The following SLC9B2 variants were observed in gnomAD, a reference collection of about 807,000 sequenced individuals.
SLC9B2 encodes sodium/hydrogen exchanger 9B2.
A neutral mutation model predicts 52.2 loss-of-function variants in SLC9B2; 39 were observed. The observed-to-expected ratio is 0.75, with a 90% CI of 0.58 to 0.98. SLC9B2 has a LOEUF of 0.98. Among genes scored for constraint, SLC9B2 ranks in the 50% least tolerant of loss-of-function variants. SLC9B2 has a pLI of 0.00. For missense variants in SLC9B2, 626 were observed against 637.5 expected, an observed-to-expected ratio of 0.98 and a Z score of 0.19; for synonymous variants, 214 against 227.0, an observed-to-expected ratio of 0.94 and a Z score of 0.51.
chr4:103,055,591 C>A (rs1745060329), intron 4 of SLC9B2, among the ~76,000 whole-genome samples: 1 of 151,326 alleles, frequency 6.6e-6, no homozygotes, highest in Admixed American at 6.6e-5. Context: ...ACCACAAGTT[C>A]AAAAGCAGAT....
chr4:103,070,027 A>G (rs535859692), intron 1 of SLC9B2, among the ~76,000 whole-genome samples: 12 of 152,328 alleles, frequency 7.9e-5, no homozygotes, highest in African/African-American at 2.9e-4. Context: ...CTATTCTCCA[A>G]TACTCTCAAC....
rs901216447 is a variant in SLC9B2, at chr4:103,022,788, T to C, written c.*3582A>G. The stretch of plus-strand genomic sequence containing the variant: ...GCCTTAACTTCCAATGTGATGTATT[T>C]AGATATGAGGATTTGGGAAGGCAAT... On this transcript the variant is annotated 3_prime_UTR_variant, in exon 12 of 12. Transcript: ENST00000394785. 6.6e-6 allele frequency among the ~76,000 whole-genome samples: 1 copy of C among 152,188 alleles called. No homozygotes were observed. The highest frequency in any genetic ancestry group is 1.5e-5 in the Non-Finnish European group (1 of 68,032).
chr4:103,060,247 C>T (rs1745505367), intron 3 of SLC9B2, among the ~76,000 whole-genome samples: 1 of 151,550 alleles, frequency 6.6e-6, no homozygotes, highest in African/African-American at 2.4e-5. Context: ...GTGTGTACTG[C>T]ATTCTAGATA....
rs1048405758 is a variant in SLC9B2 at position 103,022,708 on chromosome 4, T to C, written c.*3662A>G. Among the ~76,000 whole-genome samples the C allele has an allele frequency of 6.6e-6, 1 of 152,222 alleles. No individual in the cohort carries two copies. Among genetic ancestry groups the C allele is most frequent in the African/African-American group, 2.4e-5 (1 of 41,468 alleles). On this transcript the variant is annotated 3_prime_UTR_variant, in exon 12 of 12. Transcript: ENST00000394785. Reference sequence around the variant, plus strand: ...CAGAAATATACTGTCCTTGGAAATATGACACTTCTTTCAGGGACTGAATTA... The same window carrying C: ...CAGAAATATACTGTCCTTGGAAATACGACACTTCTTTCAGGGACTGAATTA...
chr4:103,050,235 C>T lies in SLC9B2; in HGVS notation c.585+5G>A. 1 of 1,563,122 alleles carries T rather than the reference C, an allele frequency of 6.4e-7. No individual in the cohort carries two copies. The highest frequency in any genetic ancestry group is 8.6e-7 in the Non-Finnish European group (1 of 1,160,536). On this transcript the variant is annotated splice_donor_5th_base_variant and intron_variant, in intron 5 of 11. Transcript: ENST00000394785. The stretch of plus-strand genomic sequence containing the variant: ...ATTTAATAATGAGAAATTTACATTT[C>T]ATACCTTTGAATCCAGACCAAGGCC...
Position 103,022,557 on chromosome 4 carries a change from T to C in SLC9B2, c.*3813A>G, listed in dbSNP as rs1192617022. Among the ~76,000 whole-genome samples the C allele has an allele frequency of 1.3e-5, 2 of 152,224 alleles. No individual in the cohort carries two copies. Among genetic ancestry groups the C allele is most frequent in the Non-Finnish European group, 2.9e-5 (2 of 68,034 alleles). ...TAAATTTTTTGCAATGAAAATGTGT[T>C]ACTTTATAATCAGAAAAAAATACTA... On this transcript the variant is annotated 3_prime_UTR_variant, in exon 12 of 12. Coordinates refer to ENST00000394785, the MANE Select transcript of SLC9B2 (RefSeq NM_178833.7).
rs1747132218 is a variant in SLC9B2 at position 103,076,169 on chromosome 4, T to C, written c.-43+15A>G. On this transcript the variant is annotated intron_variant, in intron 1 of 11. Transcript: ENST00000394785. ...TGGGTTTATTTTTACCCTTAGTGTC[T>C]CTGGGGCCTCTCACCTGGCAGTCTC... is the stretch of plus-strand genomic sequence containing the variant. The C allele has an allele frequency of 6.6e-6, 1 of 152,362 alleles. No individual in the cohort carries two copies. The highest frequency in any genetic ancestry group is 6.5e-5 in the Admixed American group (1 of 15,288). 9.4% of individuals were successfully genotyped at this position (152,362 alleles called of 1,614,324 possible).
At chr4:103,071,040 G>A (rs994952839) in intron 1 of SLC9B2, among the ~76,000 whole-genome samples, 24 of 151,934 alleles carry the variant, frequency 1.6e-4, no homozygotes, top group Non-Finnish European at 3.2e-4. Context: ...TTTGATATAT[G>A]TACCTGTTAA....
intron 9 of SLC9B2, among the ~76,000 whole-genome samples, chr4:103,040,610 G>A (rs991463420): frequency 6.6e-6 from 1 of 152,122 alleles, no homozygotes; most frequent in Non-Finnish European, 1.5e-5. Context: ...TGTATTGGGG[G>A]TGTATCTTAC....
intron 10 of SLC9B2, among the ~76,000 whole-genome samples, chr4:103,030,380 G>A (rs1431274180): frequency 1.3e-5 from 2 of 152,096 alleles, no homozygotes; most frequent in Non-Finnish European, 2.9e-5. Flanking sequence ...TAATATAAAG[G>A]AGTGTTAGAG....
At chr4:103,077,131 ACG>A (rs1355009300), upstream of SLC9B2, 1 of 151,994 alleles carries the variant, frequency 6.6e-6, no homozygotes, top group Non-Finnish European at 1.5e-5. Flanking sequence ...GTGTGTTAAG[ACG>A]CGCGCACCCC....
At chr4:103,057,244 G>GTATATA (rs56742547) in intron 4 of SLC9B2, among the ~76,000 whole-genome samples, 3,539 of 137,034 alleles carry the variant, frequency 0.026, 42 homozygotes, top group Middle Eastern at 0.046. Context: ...TTAATTTTAA[G>GTATATA]TATATATATA....
At chr4:103,063,150 T>C (rs1202371072) in intron 3 of SLC9B2, among the ~76,000 whole-genome samples, 2 of 152,376 alleles carry the variant, frequency 1.3e-5, no homozygotes, top group East Asian at 3.9e-4. Context: ...TGTTTCATTG[T>C]AAACGTTTTA....
chr4:103,070,014 T>A (rs963721369), intron 1 of SLC9B2, among the ~76,000 whole-genome samples: 2 of 152,178 alleles, frequency 1.3e-5, no homozygotes, highest in Admixed American at 1.3e-4. Context: ...CCAGAAAAGT[T>A]CCCTATTCTC....
rs769713469 is a variant in SLC9B2, at chr4:103,026,458, A to G, written c.1526T>C (p.Ile509Thr). The stretch of plus-strand genomic sequence containing the variant: ...CAGAAGCCTGGGGCCCAGTAAACCA[A>G]TAAGCAGACTTCCAATTGGGGCTGT... The part of the protein sequence containing the change: ...LITAPIGSLL[I>T]GLLGPRLLQK... The change falls in exon 12 of 12, where the codon ATT becomes ACT. Residue 509 changes from isoleucine (I) to threonine (T), a missense_variant. By Grantham distance (89) the Ile-to-Thr change is moderately conservative. Transcript: ENST00000394785. 2 of 1,613,928 alleles carry G rather than the reference A, an allele frequency of 1.2e-6. No individual in the cohort carries two copies. Among genetic ancestry groups the G allele is most frequent in the Non-Finnish European group, 1.7e-6 (2 of 1,179,888 alleles).
upstream of SLC9B2, chr4:103,077,033 T>G (rs931122467): frequency 1.3e-5 from 2 of 152,238 alleles, no homozygotes; most frequent in African/African-American, 2.4e-5. Flanking sequence ...TATTTTAGAT[T>G]TTTAACCCTT....
At chr4:103,031,922 C>T in intron 9 of SLC9B2, 114 bp from the exon 10 acceptor site, 2 of 982,876 alleles carry the variant, frequency 2.0e-6, no homozygotes, top group Non-Finnish European at 3.0e-6. Context: ...TATTTCTGTG[C>T]CATCTATAAC....
rs1424357373 is a variant in SLC9B2, at chr4:103,043,381, C to A, written c.1061G>T (p.Ser354Ile). Residue 354 changes from serine to isoleucine, a missense_variant, in exon 9 of 12, where the codon AGT becomes ATT. Coordinates refer to ENST00000394785, the MANE Select transcript of SLC9B2 (RefSeq NM_178833.7). ...TGATCCAGGGAAACCAAAATGCACA[C>A]TGCTGAACACAGCTAGCACAGACAA... is the stretch of plus-strand genomic sequence containing the variant. ...LGLSVLAVFS[S>I]VHFGFPGSGG... 9 of 1,613,786 alleles carry A rather than the reference C, an allele frequency of 5.6e-6. No homozygotes were observed. Among genetic ancestry groups the A allele is most frequent in the African/African-American group, 2.7e-5 (2 of 74,916 alleles).
At chr4:103,075,633 C>T (rs903929115) in intron 1 of SLC9B2, among the ~76,000 whole-genome samples, 1 of 152,164 alleles carries the variant, frequency 6.6e-6, no homozygotes, top group African/African-American at 2.4e-5. Flanking sequence ...ATGTGATTTC[C>T]AGTCCTCACC....
Sources: allele counts gnomAD v4.1 joint callset (sites outside exome capture counted in the v4.1 genomes callset), GRCh38; gene constraint gnomAD v4.1.1; transcripts MANE v1.5; gene names NCBI Gene and HGNC (gene_info 2026-07-23, HGNC 2026-07-21).